Variants in ADGRL2 observed in about 807,000 individuals in gnomAD.
ADGRL2 encodes the protein adhesion G protein-coupled receptor L2.
ADGRL2 carries 44 observed loss-of-function variants against 157.4 expected under a neutral mutation model. The ratio of observed to expected loss-of-function variants is 0.28; its 90% CI spans 0.22 to 0.36. The LOEUF (loss-of-function observed/expected upper bound fraction) is 0.36. Among genes scored for constraint, ADGRL2 ranks in the 10% least tolerant of loss-of-function variants. ADGRL2 has a pLI of 1.00. For missense variants in ADGRL2, 1,510 were observed against 1,768.9 expected, an observed-to-expected ratio of 0.85 and a Z score of 2.63; for synonymous variants, 585 against 624.7, an observed-to-expected ratio of 0.94 and a Z score of 0.95.
At chr1:81,907,457 T>C (rs2094606928) in intron 3 of ADGRL2, among the ~76,000 whole-genome samples, 1 of 152,220 alleles carries the variant, frequency 6.6e-6, no homozygotes, top group East Asian at 1.9e-4. Context: ...ATGTAATACG[T>C]ATCTTTTTGT....
intron 1 of ADGRL2, among the ~76,000 whole-genome samples, chr1:81,806,566 A>G (rs1425800315): frequency 1.3e-5 from 2 of 152,040 alleles, no homozygotes; most frequent in African/African-American, 4.8e-5. Flanking sequence ...GAAGGTCAAG[A>G]GGTAACTAGA....
intron 3 of ADGRL2, among the ~76,000 whole-genome samples, chr1:81,622,128 A>G (rs964087773): frequency 6.6e-5 from 10 of 152,178 alleles, no homozygotes; most frequent in African/African-American, 2.4e-4. Flanking sequence ...TTTTCTCATC[A>G]TTACAGAACT....
chr1:81,687,681 T>G (rs1557566185), intron 3 of ADGRL2, among the ~76,000 whole-genome samples: 1 of 152,252 alleles, frequency 6.6e-6, no homozygotes, highest in Non-Finnish European at 1.5e-5. Context: ...TTCATTGTGC[T>G]CTTTGTTGCC....
chr1:81,653,912 T>G (rs2082475702), intron 3 of ADGRL2, among the ~76,000 whole-genome samples: 1 of 152,072 alleles, frequency 6.6e-6, no homozygotes, highest in African/African-American at 2.4e-5. Flanking sequence ...ATTTTCCCCC[T>G]CAGAGTTCAG....
At chr1:81,318,928 C>CTTTTTTTTTTTTTTTT (rs397980625) in intron 1 of ADGRL2, among the ~76,000 whole-genome samples, 4 of 45,830 alleles carry the variant, frequency 8.7e-5, no homozygotes, top group African/African-American at 3.8e-4. Context: ...TCCATCAATT[C>CTTTTTTTTTTTTTTTT]TTTTTTTTTT....
At chr1:81,481,425 G>A (rs992971464) in intron 2 of ADGRL2, among the ~76,000 whole-genome samples, 4 of 152,200 alleles carry the variant, frequency 2.6e-5, no homozygotes, top group Non-Finnish European at 5.9e-5. Context: ...ATCCATCTGA[G>A]GTTGTTTCTC....
At chr1:81,587,078 T>A (rs747733815) in intron 3 of ADGRL2, among the ~76,000 whole-genome samples, 1 of 152,042 alleles carries the variant, frequency 6.6e-6, no homozygotes, top group Non-Finnish European at 1.5e-5. Flanking sequence ...AATCAACTTG[T>A]CAGACTGCGA....
At chr1:81,324,155 G>C (rs992662671) in intron 1 of ADGRL2, among the ~76,000 whole-genome samples, 1 of 152,088 alleles carries the variant, frequency 6.6e-6, no homozygotes, top group Non-Finnish European at 1.5e-5. Context: ...CAGAGATGAA[G>C]GTCATTAGGC....
At chr1:81,644,595 T>C (rs2082279000) in intron 3 of ADGRL2, among the ~76,000 whole-genome samples, 1 of 152,182 alleles carries the variant, frequency 6.6e-6, no homozygotes, top group Admixed American at 6.6e-5. Context: ...GATATACAGA[T>C]GGCAAATAAG....
intron 3 of ADGRL2, among the ~76,000 whole-genome samples, chr1:81,623,882 T>A (rs2081852843): frequency 2.6e-5 from 4 of 152,010 alleles, no homozygotes; most frequent in Admixed American, 2.6e-4. Flanking sequence ...TGATTGGCCC[T>A]CCTCAGCTTC....
At chr1:81,778,218 G>GCTGAGCTTGCAGTGAGC (rs1235124402) in intron 2 of ADGRL2, among the ~76,000 whole-genome samples, 1 of 149,778 alleles carries the variant, frequency 6.7e-6, no homozygotes. Context: ...GCTCCTCGGG[G>GCTGAGCTTGCAGTGAGC]AGGCTGAGCA....
At chr1:81,559,449 G>GTT (rs548031419) in intron 2 of ADGRL2, among the ~76,000 whole-genome samples, 3 of 140,730 alleles carry the variant, frequency 2.1e-5, no homozygotes, top group African/African-American at 7.8e-5. Flanking sequence ...TATGCTCCAT[G>GTT]TTTTTTTTTT....
At chr1:81,887,601 T>G (rs2094156372) in intron 2 of ADGRL2, among the ~76,000 whole-genome samples, 1 of 152,230 alleles carries the variant, frequency 6.6e-6, no homozygotes. Flanking sequence ...CCGGGCTGCA[T>G]GATCCTAAAA....
At chr1:81,514,073 C>T (rs1019296126) in intron 2 of ADGRL2, 2 of 120,294 alleles carry the variant, frequency 1.7e-5, no homozygotes, top group Non-Finnish European at 3.2e-5. Flanking sequence ...GAGATAAGAT[C>T]CAAAAATAAC....
At chr1:81,635,042 C>G (rs2082089477) in intron 3 of ADGRL2, among the ~76,000 whole-genome samples, 1 of 152,140 alleles carries the variant, frequency 6.6e-6, no homozygotes, top group Non-Finnish European at 1.5e-5. Context: ...TATACTCAAC[C>G]AGTGAGATAG....
intron 3 of ADGRL2, among the ~76,000 whole-genome samples, chr1:81,619,539 T>C (rs1317452897): frequency 8.1e-6 from 1 of 122,744 alleles, no homozygotes; most frequent in East Asian, 2.3e-4. Context: ...CACTGGAAAA[T>C]TGTCTGAAGT....
At chr1:81,603,053 A>G (rs2081365175) in intron 3 of ADGRL2, among the ~76,000 whole-genome samples, 1 of 152,156 alleles carries the variant, frequency 6.6e-6, no homozygotes, top group South Asian at 2.1e-4. Flanking sequence ...ACAGAGTCAA[A>G]GACTAGATCA....
At chr1:81,810,050 GGGGT>G (rs1209316197) in intron 1 of ADGRL2, among the ~76,000 whole-genome samples, 3 of 151,842 alleles carry the variant, frequency 2.0e-5, no homozygotes, top group Non-Finnish European at 4.4e-5. Flanking sequence ...TTGACTGCTG[GGGGT>G]GGGTTAGGTG....
chr1:81,781,953 G>A (rs67776315), intron 2 of ADGRL2, among the ~76,000 whole-genome samples: 18,430 of 152,208 alleles, frequency 0.12, 1,260 homozygotes, highest in Admixed American at 0.16. Flanking sequence ...CCTCCTGCAG[G>A]CAGGATGGGG....
Sources: gnomAD v4.1 joint callset for allele counts (sites outside exome capture counted in the v4.1 genomes callset) on GRCh38, gnomAD v4.1.1 for gene constraint, MANE v1.5 for transcripts, NCBI Gene and HGNC (gene_info 2026-07-23, HGNC 2026-07-21) for gene names.